Variants in SWAP70 observed in about 807,000 individuals in gnomAD.
SWAP70 encodes switch-associated protein 70.
SWAP70 carries 34 observed loss-of-function variants against 80.2 expected under a neutral mutation model. That is an observed-to-expected ratio of 0.42 (90% CI 0.32 to 0.56). The LOEUF (loss-of-function observed/expected upper bound fraction) is 0.56. Ranked by LOEUF, SWAP70 falls within the 20% of genes least tolerant of loss-of-function variation. The pLI is 0.09. For missense variants in SWAP70, 578 were observed against 690.7 expected, an observed-to-expected ratio of 0.84 and a Z score of 1.83; for synonymous variants, 239 against 238.5, an observed-to-expected ratio of 1.00 and a Z score of -0.02.
At chr11:9,724,956 C>A in intron 4 of SWAP70, 71 bp downstream of exon 4, 1 of 1,103,396 alleles carries the variant, frequency 9.1e-7, no homozygotes. Flanking sequence ...ATTTTTGTCA[C>A]AAAGATGAGT....
chr11:9,741,234 A>C (rs1851434708), intron 9 of SWAP70: 1 of 152,228 alleles, frequency 6.6e-6, no homozygotes, highest in South Asian at 2.1e-4. Context: ...AGCCATCTTT[A>C]GTTGTATATT....
At chr11:9,688,462 G>A (rs1358951753) in intron 1 of SWAP70, among the ~76,000 whole-genome samples, 1 of 152,130 alleles carries the variant, frequency 6.6e-6, no homozygotes, top group South Asian at 2.1e-4. Flanking sequence ...AGGGGAGAAA[G>A]GGATGTGGTA....
At chr11:9,725,528 AAAAT>A (rs1459137526) in intron 4 of SWAP70, among the ~76,000 whole-genome samples, 1 of 74,786 alleles carries the variant, frequency 1.3e-5, no homozygotes, top group Non-Finnish European at 2.5e-5. Context: ...TTAAAAATAC[AAAAT>A]ATATATATAT....
intron 1 of SWAP70, among the ~76,000 whole-genome samples, chr11:9,680,084 T>A (rs1850548530): frequency 1.3e-5 from 2 of 152,218 alleles, no homozygotes; most frequent in Admixed American, 1.3e-4. Flanking sequence ...TATAAAACAT[T>A]ATATGAATTT....
chr11:9,690,972 T>G (rs773632398), intron 1 of SWAP70, among the ~76,000 whole-genome samples: 4 of 152,140 alleles, frequency 2.6e-5, no homozygotes, highest in Non-Finnish European at 4.4e-5. Context: ...GGCATGATCA[T>G]GGCTCAATGC....
chr11:9,705,036 TTGGTGATCTGTATACAC>T (rs879661816), intron 2 of SWAP70, among the ~76,000 whole-genome samples: 2 of 144,598 alleles, frequency 1.4e-5, no homozygotes, highest in African/African-American at 2.7e-5. Flanking sequence ...CTGTATACAC[TTGGTGATCTGTATACAC>T]TGGTGATCTG....
chr11:9,707,289 C>T (rs1850927565), intron 2 of SWAP70, among the ~76,000 whole-genome samples: 1 of 152,148 alleles, frequency 6.6e-6, no homozygotes, highest in Admixed American at 6.5e-5. Flanking sequence ...AACTGAAACT[C>T]TACACCTTTT....
In SWAP70 at chr11:9,685,729, G is replaced by C. The variant is rs192797183; in HGVS notation, c.100-8417G>C. On this transcript the variant is annotated intron_variant, in intron 1 of 11. Transcript: ENST00000318950. ...GCTCACTGCAATCTCTGACTCCCTG[G>C]TTCAAGCAATTCTCCTGCCTCAGCT... Among the ~76,000 whole-genome samples the C allele has an allele frequency of 1.6e-3, 246 of 152,138 alleles. 1 individual carries two copies. Among genetic ancestry groups the C allele is most frequent in the Admixed American group, 3.6e-3 (55 of 15,266 alleles).
chr11:9,664,477 C>G (rs1167109434), intron 1 of SWAP70, among the ~76,000 whole-genome samples, 199 bp downstream of exon 1: 2 of 152,236 alleles, frequency 1.3e-5, no homozygotes, highest in Non-Finnish European at 2.9e-5. Flanking sequence ...CGGGCCATGC[C>G]CTCGGTTGGA....
At chr11:9,739,609 G>A (rs536580468) in intron 8 of SWAP70, among the ~76,000 whole-genome samples, 2 of 152,324 alleles carry the variant, frequency 1.3e-5, no homozygotes, top group Middle Eastern at 3.4e-3. Context: ...TCAAAACTCT[G>A]TAATCCAGAA....
intron 7 of SWAP70, among the ~76,000 whole-genome samples, chr11:9,737,501 T>C (rs1228272534): frequency 1.3e-5 from 2 of 152,216 alleles, no homozygotes; most frequent in East Asian, 3.8e-4. Flanking sequence ...TCTGTGGAGC[T>C]CCTTATGCCA....
intron 10 of SWAP70, among the ~76,000 whole-genome samples, chr11:9,748,462 C>T (rs966700764): frequency 6.6e-6 from 1 of 152,202 alleles, no homozygotes; most frequent in Non-Finnish European, 1.5e-5. Context: ...ATCCATACCT[C>T]CATGGAGAGG....
chr11:9,664,826 T>C (rs1850289511), intron 1 of SWAP70, among the ~76,000 whole-genome samples: 1 of 152,166 alleles, frequency 6.6e-6, no homozygotes, highest in Admixed American at 6.5e-5. Context: ...AGGGTCCTTC[T>C]CCTTTGGGAG....
At chr11:9,682,459 A>G (rs1333266180) in intron 1 of SWAP70, among the ~76,000 whole-genome samples, 4 of 152,248 alleles carry the variant, frequency 2.6e-5, no homozygotes, top group Non-Finnish European at 5.9e-5. Flanking sequence ...GATTTAGAAT[A>G]GAAATCTCTA....
rs1383810038 is a variant in SWAP70 at position 9,733,151 on chromosome 11, T to TA, written c.1080+442dup. Among the ~76,000 whole-genome samples the TA allele has an allele frequency of 1.2e-4, 18 of 152,290 alleles. 1 individual carries two copies. The highest frequency in any genetic ancestry group is 7.8e-4 in the Admixed American group (12 of 15,292). ...TTTACCTACTGTTTGGAGTTAAAGA[T>TA]ACAGTCTGGGTCAGCTTTTCCTTCC... On this transcript the variant is annotated intron_variant, in intron 7 of 11. Transcript: ENST00000318950.
At chr11:9,680,943 CTGTGA>C (rs1850559220) in intron 1 of SWAP70, 1 of 153,842 alleles carries the variant, frequency 6.5e-6, no homozygotes, top group South Asian at 2.1e-4. Context: ...GGTGATCTGG[CTGTGA>C]TATCTGTCAC....
At chr11:9,664,317 C>G (rs773926164) in intron 1 of SWAP70, 39 bp downstream of exon 1, 9 of 1,538,128 alleles carry the variant, frequency 5.9e-6, no homozygotes, top group Admixed American at 4.0e-5. Context: ...CCGACCCTCC[C>G]CGGCGCGCTC....
At chr11:9,679,339 A>G (rs1850539011) in intron 1 of SWAP70, among the ~76,000 whole-genome samples, 1 of 152,210 alleles carries the variant, frequency 6.6e-6, no homozygotes, top group South Asian at 2.1e-4. Flanking sequence ...GTTGGAAGGT[A>G]TTACATTCCA....
At chr11:9,737,972 T>C (rs1216985468) in intron 7 of SWAP70, among the ~76,000 whole-genome samples, 1 of 152,260 alleles carries the variant, frequency 6.6e-6, no homozygotes, top group Admixed American at 6.5e-5. Flanking sequence ...ACTAAAACTT[T>C]CTTTGCAAAA....
Sources: gnomAD v4.1 joint callset for allele counts (sites outside exome capture counted in the v4.1 genomes callset) on GRCh38, gnomAD v4.1.1 for gene constraint, MANE v1.5 for transcripts, NCBI Gene and HGNC (gene_info 2026-07-23, HGNC 2026-07-21) for gene names.